The following FBXL2 variants were observed in gnomAD, a reference collection of about 807,000 sequenced individuals.
FBXL2 encodes the protein F-box/LRR-repeat protein 2.
In FBXL2, 38 loss-of-function variants were observed where a neutral mutation model predicts 69.2. The ratio of observed to expected loss-of-function variants is 0.55; its 90% confidence interval spans 0.42 to 0.72. The LOEUF (loss-of-function observed/expected upper bound fraction) is 0.72, where lower values mean the gene tolerates loss of function less well. Ranked by LOEUF, FBXL2 falls within the 30% of genes least tolerant of loss-of-function variation. The pLI is 0.00. For synonymous variants in FBXL2, 192 were observed against 201.3 expected (o/e 0.95, Z 0.39); for missense variants, 354 against 520.3 (o/e 0.68, Z 3.11).
chr3:33,324,460 A>G (rs2038514681), intron 2 of FBXL2, among the ~76,000 whole-genome samples: 1 of 152,166 alleles, frequency 6.6e-6, no homozygotes, highest in South Asian at 2.1e-4. Context: ...TCTTTAATCC[A>G]TCTTGAGTTA....
At chr3:33,391,062 G>A (rs2043745313), downstream of FBXL2, 1 of 152,296 alleles carries the variant, frequency 6.6e-6, no homozygotes, top group Admixed American at 6.5e-5. Context: ...GGTAAAAACT[G>A]TACTGCTGTG....
intron 2 of FBXL2, among the ~76,000 whole-genome samples, chr3:33,344,307 G>A (rs1282572050): frequency 4.6e-5 from 7 of 152,018 alleles, no homozygotes; most frequent in African/African-American, 1.7e-4. Context: ...GGAAGCTTTG[G>A]ATAATTTAAC....
chr3:33,390,627 G>A (rs902956133), downstream of FBXL2: 3 of 532,562 alleles, frequency 5.6e-6, no homozygotes, highest in Admixed American at 6.3e-5. Context: ...CCAGTTCTGG[G>A]GGTAGGGGGA....
chr3:33,378,429 C>T (rs773409951), intron 12 of FBXL2, among the ~76,000 whole-genome samples: 13 of 152,136 alleles, frequency 8.5e-5, no homozygotes, highest in African/African-American at 3.1e-4. Flanking sequence ...TCCTGGGAAC[C>T]CTCCTTGCCC....
chr3:33,320,485 CTT>C (rs773160968), intron 2 of FBXL2, among the ~76,000 whole-genome samples: 21 of 139,658 alleles, frequency 1.5e-4, no homozygotes, highest in Admixed American at 3.6e-4. Context: ...GAAAGCATTT[CTT>C]TTTTTTTTTT....
At chr3:33,293,395 G>A (rs1015526294) in intron 1 of FBXL2, among the ~76,000 whole-genome samples, 1 of 152,116 alleles carries the variant, frequency 6.6e-6, no homozygotes, top group Non-Finnish European at 1.5e-5. Flanking sequence ...GGAAACTATG[G>A]CATAGAAAAG....
At chr3:33,385,295 G>GT (rs1195178804) in intron 14 of FBXL2, among the ~76,000 whole-genome samples, 3 of 152,124 alleles carry the variant, frequency 2.0e-5, no homozygotes, top group East Asian at 1.9e-4. Flanking sequence ...ACGTATCAAC[G>GT]TAAGTGTTTT....
chr3:33,385,707 C>T lies in FBXL2; in HGVS notation c.*99C>T. The T allele has an allele frequency of 1.0e-6, 1 of 960,136 alleles. No homozygotes were observed. Among genetic ancestry groups the T allele is most frequent in the Non-Finnish European group, 1.7e-6 (1 of 605,620 alleles). The allele number at this position is 960,136 out of a possible 1,614,324, so 59.5% of individuals were successfully genotyped here. ...CACCATCACCCAATCTGTTGATTCT[C>T]CATTGGGAAAGGCATTTACAGGTAA... On this transcript the variant is annotated 3_prime_UTR_variant, in exon 15 of 15. Transcript: ENST00000484457.
chr3:33,319,444 T>G (rs1575178527), intron 2 of FBXL2, among the ~76,000 whole-genome samples: 1 of 152,214 alleles, frequency 6.6e-6, no homozygotes, highest in African/African-American at 2.4e-5. Flanking sequence ...ATTATGGAAA[T>G]TATTCCTGAA....
Position 33,386,924 on chromosome 3 carries a change from C to A in FBXL2, c.*1316C>A, listed in dbSNP as rs534040180. On this transcript the variant is annotated 3_prime_UTR_variant, in exon 15 of 15. Transcript: ENST00000484457. ...GCTCATGAGAAACTTAAAAGTGAAA[C>A]GGCAAAAGCAAGATGTGTTCCCATG... The A allele has an allele frequency of 6.6e-6, 1 of 152,140 alleles. No homozygotes were observed. Among genetic ancestry groups the A allele is most frequent in the Non-Finnish European group, 1.5e-5 (1 of 68,028 alleles). 9.4% of individuals were successfully genotyped at this position (152,140 alleles called of 1,614,324 possible).
Position 33,359,266 on chromosome 3 carries a change from T to C in FBXL2, c.121-17T>C. The C allele has an allele frequency of 6.2e-7, 1 of 1,605,074 alleles. No homozygotes were observed. The highest frequency in any genetic ancestry group is 1.1e-5 in the South Asian group (1 of 90,038). On this transcript the variant is annotated splice_polypyrimidine_tract_variant and intron_variant, in intron 3 of 14. Transcript: ENST00000484457. ...TCTTTCATCCCAATCCCTCTTCCTT[T>C]ACCTCCCACCTTCCAGGCTTGGAAC...
At chr3:33,289,882 G>T in intron 1 of FBXL2, 1 of 696,080 alleles carries the variant, frequency 1.4e-6, no homozygotes, top group Non-Finnish European at 1.8e-6. Flanking sequence ...TGAAATCTAA[G>T]CCTGGGCGTG....
At chr3:33,329,612 A>C (rs1278552299) in intron 2 of FBXL2, among the ~76,000 whole-genome samples, 1 of 152,140 alleles carries the variant, frequency 6.6e-6, no homozygotes, top group Non-Finnish European at 1.5e-5. Flanking sequence ...TGTCGTTTGC[A>C]GCAAGATGGA....
At chr3:33,278,037 A>AC (rs1379381998) in intron 1 of FBXL2, 1 of 151,482 alleles carries the variant, frequency 6.6e-6, no homozygotes, top group African/African-American at 2.4e-5. Context: ...GATTTTAGAG[A>AC]CCCCTCCCCT....
At chr3:33,411,916 C>T in the FBXL2 span, among the ~76,000 whole-genome samples, 4 of 151,916 alleles carry the variant, frequency 2.6e-5, no homozygotes, top group Admixed American at 6.6e-5. Context: ...TAAGGCTGAG[C>T]GTGGTGGCTC....
chr3:33,343,962 T>A (rs68030607), intron 2 of FBXL2, among the ~76,000 whole-genome samples: 38,997 of 151,806 alleles, frequency 0.26, 5,674 homozygotes, highest in East Asian at 0.46. Flanking sequence ...TTATAAGGTA[T>A]CATTAATTGA....
At chr3:33,378,804 C>G (rs769846814) in intron 13 of FBXL2, 63 bp downstream of exon 13, 46 of 1,613,360 alleles carry the variant, frequency 2.9e-5, no homozygotes, top group Middle Eastern at 3.3e-4. Flanking sequence ...CCCACCACAA[C>G]AAGAAGCTGT....
Position 33,385,621 on chromosome 3 carries a change from G to C in FBXL2, c.*13G>C, listed in dbSNP as rs771567498. ...TGTCATTCTCTGACAGCAGCTGCCT[G>C]GGCCCAAGGGGTGATGAGGCATCCT... On this transcript the variant is annotated 3_prime_UTR_variant, in exon 15 of 15. Coordinates refer to ENST00000484457, the MANE Select transcript of FBXL2 (RefSeq NM_012157.5). 1.2e-6 allele frequency: 2 copies of C among 1,606,220 alleles called. No individual in the cohort carries two copies. Among genetic ancestry groups the C allele is most frequent in the East Asian group, 2.2e-5 (1 of 44,840 alleles).
intron 5 of FBXL2, among the ~76,000 whole-genome samples, chr3:33,369,733 C>T (rs1467626506): frequency 6.6e-6 from 1 of 152,120 alleles, no homozygotes; most frequent in Non-Finnish European, 1.5e-5. Flanking sequence ...GTGCCTCAGC[C>T]TCCCAAGTAG....
Sources: gnomAD v4.1 joint callset for allele counts (sites outside exome capture counted in the v4.1 genomes callset) on GRCh38, gnomAD v4.1.1 for gene constraint, MANE v1.5 for transcripts, NCBI Gene and HGNC (gene_info 2026-07-23, HGNC 2026-07-21) for gene names.